SH3PXD2B: variants seen among roughly 807,000 people sequenced by gnomAD.
SH3PXD2B encodes SH3 and PX domains 2B.
SH3PXD2B carries 37 observed loss-of-function variants against 73.1 expected under a neutral mutation model. The observed-to-expected ratio is 0.51, with a 90% CI of 0.39 to 0.67. The LOEUF is 0.67. Among genes scored for constraint, SH3PXD2B ranks in the 30% least tolerant of loss-of-function variants. The pLI is 0.00. For synonymous variants in SH3PXD2B, 457 were observed against 480.5 expected (o/e 0.95, Z 0.64); for missense variants, 1,053 against 1,197.8 (o/e 0.88, Z 1.78).
rs905645428 is a variant in SH3PXD2B, at chr5:172,338,142, G to C, written c.*227C>G. The C allele has an allele frequency of 3.5e-6, 5 of 1,437,402 alleles. No individual in the cohort carries two copies. In the African/African-American group the frequency reaches 7.2e-5, roughly 21 times the overall value. The allele number at this position is 1,437,402 out of a possible 1,614,324, so 89.0% of individuals were successfully genotyped here. ...GATGCTGACATGGACAGAAAGCAAA[G>C]GCTGTGGGTTCTGAGCCTCCAGTGA... On this transcript the variant is annotated 3_prime_UTR_variant, in exon 13 of 13. Coordinates refer to ENST00000311601, the MANE Select transcript of SH3PXD2B (RefSeq NM_001017995.3). The surrounding 1 kb of genome is among the most constrained non-coding windows in gnomAD (Gnocchi z 5.1).
At position 172,346,735 on chromosome 5, in the gene SH3PXD2B, C is replaced by T. The variant is rs190147121; in HGVS notation, c.1063-474G>A. 5.3e-5 allele frequency among the ~76,000 whole-genome samples: 8 copies of T among 152,032 alleles called. No individual in the cohort carries two copies. In the East Asian group the frequency reaches 5.8e-4, roughly 11 times the overall value. On this transcript the variant is annotated intron_variant, in intron 11 of 12. Coordinates refer to ENST00000311601, the MANE Select transcript of SH3PXD2B (RefSeq NM_001017995.3). ...AGTTAATGTTGTGAGGCAATCGGCA[C>T]GCTGCATGGCACGCAACAGGTGCTT...
downstream of SH3PXD2B, among the ~76,000 whole-genome samples, chr5:172,330,766 G>A (rs1279831463): frequency 6.6e-6 from 1 of 152,080 alleles, no homozygotes; most frequent in Admixed American, 6.5e-5. Context: ...TGTGGCCATG[G>A]GTAAATTAAT....
chr5:172,410,636 GA>G (rs1423058180), intron 2 of SH3PXD2B, among the ~76,000 whole-genome samples: 2 of 152,146 alleles, frequency 1.3e-5, no homozygotes, highest in Non-Finnish European at 2.9e-5. Flanking sequence ...AAAATTGGCT[GA>G]ACCAATGAAC....
chr5:172,349,754 T>G (rs946869921), intron 10 of SH3PXD2B, among the ~76,000 whole-genome samples: 2 of 152,180 alleles, frequency 1.3e-5, no homozygotes, highest in African/African-American at 4.8e-5. Context: ...TTAGAAGGTT[T>G]CTGGCATGTA....
At chr5:172,367,829 C>T (rs1366142139) in intron 6 of SH3PXD2B, among the ~76,000 whole-genome samples, 1 of 152,068 alleles carries the variant, frequency 6.6e-6, no homozygotes, top group East Asian at 1.9e-4. Context: ...ATGGCTGGTG[C>T]TGCAGCAGCC....
chr5:172,413,351 G>A (rs1425837550), intron 2 of SH3PXD2B, among the ~76,000 whole-genome samples: 2 of 152,206 alleles, frequency 1.3e-5, no homozygotes, highest in African/African-American at 2.4e-5. Context: ...TGGACGTGCT[G>A]CACGGAGGCT....
intron 9 of SH3PXD2B, among the ~76,000 whole-genome samples, chr5:172,352,442 G>A (rs1296802176): frequency 6.6e-6 from 1 of 152,130 alleles, no homozygotes; most frequent in Non-Finnish European, 1.5e-5. Context: ...GCCCGGGCTG[G>A]TCTTGAATTC....
At chr5:172,349,126 ACT>A (rs910850445) in intron 10 of SH3PXD2B, among the ~76,000 whole-genome samples, 3 of 152,188 alleles carry the variant, frequency 2.0e-5, no homozygotes, top group African/African-American at 7.2e-5. Context: ...AATCACACAA[ACT>A]CGGGGATGGC....
At chr5:172,423,547 G>GGC (rs1554141213) in intron 1 of SH3PXD2B, among the ~76,000 whole-genome samples, 1 of 129,796 alleles carries the variant, frequency 7.7e-6, no homozygotes, top group African/African-American at 3.2e-5. Context: ...TACGGGGTTG[G>GGC]GGGGGGGGGC....
intron 1 of SH3PXD2B, among the ~76,000 whole-genome samples, chr5:172,437,322 T>C (rs1215469965): frequency 6.6e-6 from 1 of 152,180 alleles, no homozygotes; most frequent in Non-Finnish European, 1.5e-5. Context: ...ACATCTGGCC[T>C]ATATAGGTCA....
intron 4 of SH3PXD2B, among the ~76,000 whole-genome samples, chr5:172,384,625 G>A (rs140573005): frequency 6.6e-6 from 1 of 152,296 alleles, no homozygotes; most frequent in Non-Finnish European, 1.5e-5. Flanking sequence ...TTTTGAGTCT[G>A]GCTGATGTCA....
intron 10 of SH3PXD2B, among the ~76,000 whole-genome samples, chr5:172,348,682 T>TC (rs1428523413): frequency 2.3e-5 from 1 of 43,668 alleles, no homozygotes; most frequent in Middle Eastern, 0.012. Flanking sequence ...TATCTATCTA[T>TC]CTATCTATCT....
Position 172,336,023 on chromosome 5 carries a change from G to C in SH3PXD2B, c.*2346C>G, listed in dbSNP as rs992602076. ...GTCTGCTCCTACCCAGCTGACCCCC[G>C]GGAGGAAGGAATGAAGCAAGAGAGA... On this transcript the variant is annotated 3_prime_UTR_variant, in exon 13 of 13. Transcript: ENST00000311601. The C allele has an allele frequency of 1.7e-5, 17 of 1,002,668 alleles. No individual in the cohort carries two copies. The highest frequency in any genetic ancestry group is 1.9e-5 in the Non-Finnish European group (16 of 841,844). 62.1% of individuals were successfully genotyped at this position (1,002,668 alleles called of 1,614,324 possible).
chr5:172,435,670 T>C (rs1371012732), intron 1 of SH3PXD2B, among the ~76,000 whole-genome samples: 3 of 152,150 alleles, frequency 2.0e-5, no homozygotes, highest in African/African-American at 7.2e-5. Context: ...GCGATCTACC[T>C]GCCTCGGCCT....
At chr5:172,424,288 G>T (rs1759043874) in intron 1 of SH3PXD2B, among the ~76,000 whole-genome samples, 2 of 152,114 alleles carry the variant, frequency 1.3e-5, no homozygotes, top group South Asian at 4.1e-4. Flanking sequence ...GATCTCTGAA[G>T]CCTGGAGCCA....
At chr5:172,354,034 G>T (rs1561900020) in intron 8 of SH3PXD2B, 29 bp from the exon 9 acceptor site, 1 of 1,593,362 alleles carries the variant, frequency 6.3e-7, no homozygotes, top group Admixed American at 1.7e-5. Context: ...GCTGGGGTCA[G>T]AAGAGGACAC....
chr5:172,443,589 C>T (rs961844173), intron 1 of SH3PXD2B, among the ~76,000 whole-genome samples: 2 of 152,228 alleles, frequency 1.3e-5, no homozygotes, highest in African/African-American at 4.8e-5. Context: ...CAAGACTGTG[C>T]TTGGTCATCT....
intron 12 of SH3PXD2B, among the ~76,000 whole-genome samples, chr5:172,340,783 T>G (rs1280413583): frequency 6.6e-6 from 1 of 152,118 alleles, no homozygotes; most frequent in Non-Finnish European, 1.5e-5. Flanking sequence ...TTAGTAGAGA[T>G]GGGGTTTTAC....
chr5:172,368,481 TAAAATATATATATATTATA>T lies in SH3PXD2B; in HGVS notation c.427+5290_427+5308del, dbSNP rs1757582223. Among the ~76,000 whole-genome samples, 2 of 21,530 alleles carry T rather than the reference TAAAATATATATATATTATA, an allele frequency of 9.3e-5. 1 individual carries two copies. The highest frequency in any genetic ancestry group is 4.8e-4 in the African/African-American group (2 of 4,124). 14.1% of individuals were successfully genotyped at this position (21,530 alleles called of 152,430 possible). On this transcript the variant is annotated intron_variant, in intron 6 of 12. Coordinates refer to ENST00000311601, the MANE Select transcript of SH3PXD2B (RefSeq NM_001017995.3). The stretch of plus-strand genomic sequence containing the variant: ...TATATATATATATTATATATATATA[TAAAATATATATATATTATA>T]TATATATATATAAAATATATATATA...
Sources: allele counts gnomAD v4.1 joint callset (sites outside exome capture counted in the v4.1 genomes callset), GRCh38; gene constraint gnomAD v4.1.1; non-coding constraint Gnocchi (gnomAD v3.1); transcripts MANE v1.5; gene names NCBI Gene and HGNC (gene_info 2026-07-23, HGNC 2026-07-21).